CLYBL: variants seen among roughly 807,000 people sequenced by gnomAD.
The protein encoded by CLYBL is citramalyl-CoA lyase.
A neutral mutation model predicts 38.9 loss-of-function variants in CLYBL; 31 were observed. The ratio of observed to expected loss-of-function variants is 0.80; its 90% confidence interval spans 0.60 to 1.08. The LOEUF is 1.08. CLYBL is among the 50% of genes least tolerant of loss of function. The pLI, the probability that CLYBL is intolerant of heterozygous loss-of-function variation, is 0.00. For synonymous variants in CLYBL, 171 were observed against 158.6 expected (o/e 1.08, Z -0.59); for missense variants, 434 against 411.6 (o/e 1.05, Z -0.47).
At chr13:99,878,394 G>C (rs2052105532) in intron 7 of CLYBL, among the ~76,000 whole-genome samples, 1 of 152,138 alleles carries the variant, frequency 6.6e-6, no homozygotes, top group East Asian at 1.9e-4. Context: ...GGCATTCATT[G>C]TTTGCTTTTC....
intron 2 of CLYBL, among the ~76,000 whole-genome samples, chr13:99,779,181 C>T (rs1041224250): frequency 3.3e-5 from 5 of 151,990 alleles, no homozygotes; most frequent in African/African-American, 9.7e-5. Context: ...TCGCTGTTGT[C>T]GCCCGGGCTG....
chr13:99,648,140 G>A (rs1231739102), intron 1 of CLYBL, among the ~76,000 whole-genome samples: 2 of 152,102 alleles, frequency 1.3e-5, no homozygotes, highest in Admixed American at 6.5e-5. Context: ...AATAAAGAAA[G>A]TATGTTCGGG....
intron 1 of CLYBL, among the ~76,000 whole-genome samples, chr13:99,770,142 G>A (rs550143739): frequency 1.1e-4 from 16 of 147,612 alleles, no homozygotes; most frequent in African/African-American, 3.3e-4. Flanking sequence ...GTGCAGTGGC[G>A]CGATCTCAGC....
chr13:99,754,743 C>G (rs1182931195), intron 1 of CLYBL, among the ~76,000 whole-genome samples: 1 of 136,894 alleles, frequency 7.3e-6, no homozygotes, highest in East Asian at 2.2e-4. Context: ...TGCCACCATG[C>G]CCAGCTTTTT....
At chr13:99,610,770 T>G (rs1012266537) in intron 1 of CLYBL, among the ~76,000 whole-genome samples, 4 of 152,206 alleles carry the variant, frequency 2.6e-5, no homozygotes, top group Admixed American at 1.3e-4. Context: ...CAGGAACATG[T>G]CACAACTTTT....
At chr13:99,644,635 C>G (rs753089510) in intron 1 of CLYBL, among the ~76,000 whole-genome samples, 1 of 152,166 alleles carries the variant, frequency 6.6e-6, no homozygotes, top group Non-Finnish European at 1.5e-5. Flanking sequence ...TTTTTGTACT[C>G]ATTAACCATC....
intron 1 of CLYBL, among the ~76,000 whole-genome samples, chr13:99,701,800 G>A (rs927985005): frequency 3.3e-5 from 5 of 152,054 alleles, no homozygotes; most frequent in Admixed American, 6.6e-5. Flanking sequence ...TCAGCTTCCC[G>A]AATAGCTGGG....
intron 1 of CLYBL, among the ~76,000 whole-genome samples, chr13:99,622,588 C>T (rs901881881): frequency 2.6e-5 from 4 of 152,132 alleles, no homozygotes; most frequent in Non-Finnish European, 5.9e-5. Flanking sequence ...GTGTACTCTT[C>T]GAGGCTGTTT....
intron 1 of CLYBL, among the ~76,000 whole-genome samples, chr13:99,661,618 A>T (rs1322900649): frequency 6.6e-6 from 1 of 152,196 alleles, no homozygotes; most frequent in Non-Finnish European, 1.5e-5. Flanking sequence ...AATAATAAGG[A>T]TGCTCCAAGT....
intron 1 of CLYBL, among the ~76,000 whole-genome samples, chr13:99,689,817 G>A (rs1408100848): frequency 1.3e-5 from 2 of 151,978 alleles, no homozygotes; most frequent in East Asian, 3.9e-4. Flanking sequence ...CACCAAACTT[G>A]CATCTTGTTA....
At chr13:99,805,926 G>T (rs113247451) in intron 2 of CLYBL, among the ~76,000 whole-genome samples, 4,456 of 152,046 alleles carry the variant, frequency 0.029, 90 homozygotes, top group South Asian at 0.046. Flanking sequence ...AGAGATCTTT[G>T]TATTTATTAT....
chr13:99,673,661 G>C (rs1002306615), intron 1 of CLYBL, among the ~76,000 whole-genome samples: 1 of 152,154 alleles, frequency 6.6e-6, no homozygotes, highest in Non-Finnish European at 1.5e-5. Context: ...CAGCAATGGA[G>C]GTGAGACCAG....
intron 1 of CLYBL, among the ~76,000 whole-genome samples, chr13:99,665,588 T>TAA (rs576278832): frequency 8.3e-5 from 12 of 145,278 alleles, no homozygotes; most frequent in African/African-American, 3.0e-4. Context: ...TCCCAAAGGT[T>TAA]AAAAAAAAAA....
chr13:99,685,883 A>G (rs2139413133), intron 1 of CLYBL, among the ~76,000 whole-genome samples: 1 of 151,868 alleles, frequency 6.6e-6, no homozygotes, highest in East Asian at 1.9e-4. Flanking sequence ...AATCGCTTGA[A>G]CCCGGGAGGT....
chr13:99,855,385 G>A (rs764511835), intron 2 of CLYBL, among the ~76,000 whole-genome samples: 3 of 152,166 alleles, frequency 2.0e-5, no homozygotes, highest in Non-Finnish European at 2.9e-5. Flanking sequence ...AGTCGTAGCA[G>A]GTCACCCTGA....
At chr13:99,760,969 T>C (rs1270899787) in intron 1 of CLYBL, among the ~76,000 whole-genome samples, 1 of 152,236 alleles carries the variant, frequency 6.6e-6, no homozygotes, top group Non-Finnish European at 1.5e-5. Flanking sequence ...TCTTACTTCT[T>C]TATCAAACCA....
At chr13:99,668,797 G>A (rs973812611) in intron 1 of CLYBL, among the ~76,000 whole-genome samples, 1 of 151,880 alleles carries the variant, frequency 6.6e-6, no homozygotes, top group Admixed American at 6.6e-5. Flanking sequence ...CAAGGTGCTG[G>A]AAGCCAATCC....
At chr13:99,687,944 A>G (rs2047842077) in intron 1 of CLYBL, among the ~76,000 whole-genome samples, 1 of 152,316 alleles carries the variant, frequency 6.6e-6, no homozygotes, top group Non-Finnish European at 1.5e-5. Flanking sequence ...AACAATGCAA[A>G]TGGAATTGCC....
chr13:99,735,724 A>G (rs990028474), intron 1 of CLYBL, among the ~76,000 whole-genome samples: 5 of 152,186 alleles, frequency 3.3e-5, no homozygotes, highest in African/African-American at 1.2e-4. Flanking sequence ...ACTTCAAAGG[A>G]CTGTCCAAAG....
Sources: allele counts gnomAD v4.1 joint callset (sites outside exome capture counted in the v4.1 genomes callset), GRCh38; gene constraint gnomAD v4.1.1; transcripts MANE v1.5; gene names NCBI Gene and HGNC (gene_info 2026-07-23, HGNC 2026-07-21).